Variants in DRG2 observed in about 807,000 individuals in gnomAD.
DRG2 encodes the protein developmentally-regulated GTP-binding protein 2.
DRG2 carries 36 observed loss-of-function variants against 53.4 expected under a neutral mutation model. The observed-to-expected ratio is 0.67, with a 90% CI of 0.52 to 0.89. The LOEUF is 0.89. Ranked by LOEUF, DRG2 falls within the 40% of genes least tolerant of loss-of-function variation. The pLI, the probability that DRG2 is intolerant of heterozygous loss-of-function variation, is 0.00. For missense variants in DRG2, 342 were observed against 481.2 expected (o/e 0.71, Z 2.71); for synonymous variants, 167 against 192.1 (o/e 0.87, Z 1.08).
chr17:18,105,706 C>T (rs781052720), intron 11 of DRG2: 1 of 152,412 alleles, frequency 6.6e-6, no homozygotes. Context: ...TTCCTGCAGG[C>T]CTGGCGCCGG....
In DRG2 at chr17:18,099,768, G is replaced by A. The variant is rs767676047; in HGVS notation, c.467+45G>A. 5.1e-5 allele frequency: 80 copies of A among 1,557,734 alleles called. No individual in the cohort carries two copies. The highest frequency in any genetic ancestry group is 4.9e-5 in the Non-Finnish European group (56 of 1,148,758). On this transcript the variant is annotated intron_variant, in intron 5 of 12. Transcript: ENST00000225729. The surrounding 1 kb of genome is among the most constrained non-coding windows in gnomAD (Gnocchi z 4.4). The stretch of plus-strand genomic sequence containing the variant: ...GGGCAGGCTCACATGTCTGGGGAGG[G>A]CCAATGTGTCCCTGAGCTCGTACTA...
intron 10 of DRG2, 82 bp from the exon 11 acceptor site, chr17:18,104,541 C>T (rs771727604): frequency 4.0e-5 from 64 of 1,601,044 alleles, no homozygotes; most frequent in Non-Finnish European, 5.3e-5. Context: ...CCTCTGTGGC[C>T]AGCTCTTCCC....
At position 18,098,731 on chromosome 17, in the gene DRG2, T is replaced by C. The variant is rs2045475215; in HGVS notation, c.316-286T>C. ...CTTTGGGCAGCTGAGTGGTATGGCCTTAAGTTCCCATGGTGAAACAATTTA... is the reference window on the plus strand; with the variant it reads ...CTTTGGGCAGCTGAGTGGTATGGCCCTAAGTTCCCATGGTGAAACAATTTA... On this transcript the variant is annotated intron_variant, in intron 3 of 12. Coordinates refer to ENST00000225729, the MANE Select transcript of DRG2 (RefSeq NM_001388.5). The surrounding 1 kb of genome is among the most constrained non-coding windows in gnomAD (Gnocchi z 4.1). Among the ~76,000 whole-genome samples, 2 of 152,232 alleles carry C rather than the reference T, an allele frequency of 1.3e-5. No individual in the cohort carries two copies. The highest frequency in any genetic ancestry group is 4.8e-5 in the African/African-American group (2 of 41,468).
chr17:18,105,134 T>TGGGGAGCATCCCAGGTA (rs2045606608), intron 11 of DRG2, among the ~76,000 whole-genome samples: 2 of 151,960 alleles, frequency 1.3e-5, no homozygotes, highest in South Asian at 4.2e-4. Flanking sequence ...AGAGTTGGGG[T>TGGGGAGCATCCCAGGTA]GGGGAGCATC....
chr17:18,093,679 ATTT>A (rs746087628), intron 1 of DRG2, 131 bp from the exon 2 acceptor site: 4 of 833,386 alleles, frequency 4.8e-6, no homozygotes, highest in East Asian at 6.5e-5. Context: ...AAGCAGAGAG[ATTT>A]TTTTTTTTTC....
intron 2 of DRG2, chr17:18,096,319 T>C (rs907151732): frequency 6.6e-6 from 1 of 152,194 alleles, no homozygotes; most frequent in Non-Finnish European, 1.5e-5. Context: ...TGTTTGGAAT[T>C]CTTCTGCATG....
At chr17:18,102,095 G>C in intron 9 of DRG2, 98 bp downstream of exon 9, 2 of 1,239,812 alleles carry the variant, frequency 1.6e-6, no homozygotes, top group Non-Finnish European at 2.3e-6. Flanking sequence ...AGGAGGAAAA[G>C]CCAGCACAGC....
At position 18,099,040 on chromosome 17, in the gene DRG2, C is replaced by G. The variant is rs777259417; in HGVS notation, c.339C>G (p.Leu113=). Residue 113 remains leucine, a synonymous_variant, in exon 4 of 13, where the codon CTC becomes CTG. Coordinates refer to ENST00000225729, the MANE Select transcript of DRG2 (RefSeq NM_001388.5). This position sits in a 1 kb window ranked among gnomAD's most constrained non-coding sequence, Gnocchi z 4.4. ...AGTACAAAGGTGCCAACATCCAGCT[C>G]CTGGACCTTCCTGGAATCATTGAAG... ...VIEYKGANIQ[L]LDLPGIIEGA... 2 of 1,614,082 alleles carry G rather than the reference C, an allele frequency of 1.2e-6. No homozygotes were observed. The highest frequency in any genetic ancestry group is 1.1e-5 in the South Asian group (1 of 91,070).
Position 18,088,050 on chromosome 17 carries a change from G to T in DRG2, c.27G>T (p.Glu9Asp). MGILEKIS[E>D]IEKEIARTQK... ...TGGGGATCTTAGAGAAGATCTCGGA[G>T]ATCGAGAAGGAGATCGCTCGGACAC... Residue 9 changes from glutamate to aspartate, a missense_variant, in exon 1 of 13, where the codon GAG (glutamate) becomes GAT (aspartate). Glu to Asp is a conservative substitution (Grantham distance 45, BLOSUM62 2). Transcript: ENST00000225729. 6.5e-7 allele frequency: 1 copy of T among 1,549,930 alleles called. No homozygotes were observed.
chr17:18,104,565 C>T (rs1597730106), intron 10 of DRG2, 58 bp from the exon 11 acceptor site: 3 of 1,611,770 alleles, frequency 1.9e-6, no homozygotes, highest in East Asian at 4.5e-5. Context: ...CGCAGAATCA[C>T]AAGATGGCAG....
chr17:18,106,601 T>C (rs1402384879), intron 12 of DRG2, 115 bp downstream of exon 12: 4 of 1,194,416 alleles, frequency 3.3e-6, no homozygotes, highest in Non-Finnish European at 4.9e-6. Flanking sequence ...CCTGTGGGGA[T>C]TGGCATGTCT....
chr17:18,106,129 G>A (rs2045625544), intron 11 of DRG2: 2 of 445,914 alleles, frequency 4.5e-6, no homozygotes, highest in Non-Finnish European at 8.4e-6. Context: ...TTCAGGCAAG[G>A]CAAGCAGAGG....
rs939985977 is a variant in DRG2 at position 18,103,399 on chromosome 17, G to T, written c.807-402G>T. Among the ~76,000 whole-genome samples, 2 of 152,114 alleles carry T rather than the reference G, an allele frequency of 1.3e-5. No individual in the cohort carries two copies. Among genetic ancestry groups the T allele is most frequent in the Non-Finnish European group, 2.9e-5 (2 of 68,018 alleles). On this transcript the variant is annotated intron_variant, in intron 9 of 12. Transcript: ENST00000225729. This position sits in a 1 kb window ranked among gnomAD's most constrained non-coding sequence, Gnocchi z 4.4. ...AGAGCCTTGGTTCTCCCCTCTTCTT[G>T]CTGAAATCCCTGCTGGACTTCCTGG...
At chr17:18,093,748 C>T in intron 1 of DRG2, 65 bp from the exon 2 acceptor site, 1 of 1,562,518 alleles carries the variant, frequency 6.4e-7, no homozygotes, top group Non-Finnish European at 8.7e-7. Flanking sequence ...ACATGTGGGC[C>T]CTGCCTGACC....
At position 18,099,956 on chromosome 17, in the gene DRG2, C is replaced by T; in HGVS notation, c.467+233C>T. 1 of 599,650 alleles carries T rather than the reference C, an allele frequency of 1.7e-6. No homozygotes were observed. 37.1% of individuals were successfully genotyped at this position (599,650 alleles called of 1,614,324 possible). A position where few individuals can be genotyped will look rare whatever the true frequency, so the allele number is the denominator to read the frequency against. ...TGGGGGCCGAGGGGCTTGGCCTGGC[C>T]CTGCTTCCTGTTCAGAGGCACAGGT... On this transcript the variant is annotated intron_variant, in intron 5 of 12. Transcript: ENST00000225729. This position sits in a 1 kb window ranked among gnomAD's most constrained non-coding sequence, Gnocchi z 4.4.
intron 9 of DRG2, among the ~76,000 whole-genome samples, chr17:18,102,645 G>T (rs2045561100): frequency 7.0e-6 from 1 of 143,422 alleles, no homozygotes; most frequent in African/African-American, 2.6e-5. Context: ...AAAAAAAGAG[G>T]CTTCTTAACT....
Position 18,101,599 on chromosome 17 carries a change from A to C in DRG2, c.729+9A>C. The C allele has an allele frequency of 6.2e-7, 1 of 1,613,634 alleles. No homozygotes were observed. Among genetic ancestry groups the C allele is most frequent in the Non-Finnish European group, 8.5e-7 (1 of 1,179,652 alleles). ...ACATGCCCTGCCTGTATGTAAGTGC[A>C]GGAGGGGAGCCCTGGCCTGGCCACT... On this transcript the variant is annotated intron_variant, in intron 8 of 12. Transcript: ENST00000225729.
In DRG2 at chr17:18,098,883, C is replaced by T; in HGVS notation, c.316-134C>T. 1.0e-6 allele frequency: 1 copy of T among 973,088 alleles called. No homozygotes were observed. Among genetic ancestry groups the T allele is most frequent in the East Asian group, 2.5e-5 (1 of 40,256 alleles). The allele number at this position is 973,088 out of a possible 1,614,324, so 60.3% of individuals were successfully genotyped here. On this transcript the variant is annotated intron_variant, in intron 3 of 12. Transcript: ENST00000225729. This position sits in a 1 kb window ranked among gnomAD's most constrained non-coding sequence, Gnocchi z 4.1. ...GGCTGGGGTGGTGACAAGGCTCAGA[C>T]TTGGCCACAGGTTGGCATCTGGGTT... is the stretch of plus-strand genomic sequence containing the variant.
At chr17:18,105,702 C>T in intron 11 of DRG2, 1 of 152,514 alleles carries the variant, frequency 6.6e-6, no homozygotes, top group Non-Finnish European at 1.5e-5. Context: ...AGTGTTCCTG[C>T]AGGCCTGGCG....
Sources: gnomAD v4.1 joint callset for allele counts (sites outside exome capture counted in the v4.1 genomes callset) on GRCh38, gnomAD v4.1.1 for gene constraint, Gnocchi (gnomAD v3.1) non-coding constraint, MANE v1.5 for transcripts, NCBI Gene and HGNC (gene_info 2026-07-23, HGNC 2026-07-21) for gene names.